TTC38: variants seen among roughly 807,000 people sequenced by gnomAD.
TTC38 encodes tetratricopeptide repeat protein 38.
In TTC38, 64 loss-of-function variants were observed where a neutral mutation model predicts 64.2. The observed-to-expected ratio is 1.00, with a 90% CI of 0.81 to 1.23. TTC38 has a LOEUF of 1.23. TTC38 is among the 50% of genes most tolerant of loss of function. The probability of loss-of-function intolerance (pLI) is 0.00; values close to 1 mark genes in which losing one functional copy is unlikely to be tolerated. For missense variants in TTC38, 573 were observed against 615.5 expected, an observed-to-expected ratio of 0.93 and a Z score of 0.73; for synonymous variants, 254 against 249.3, an observed-to-expected ratio of 1.02 and a Z score of -0.18.
At chr22:46,268,403 A>C in intron 1 of TTC38, 111 bp from the exon 2 acceptor site, 1 of 1,206,526 alleles carries the variant, frequency 8.3e-7, no homozygotes, top group South Asian at 1.3e-5. Flanking sequence ...GCCTGAGCCC[A>C]TTTTACAGAT....
chr22:46,288,838 GTGGGTATGAGATCCGCAGGGTCACAGGGC>G lies in TTC38; in HGVS notation c.1082+253_1082+281del, dbSNP rs1383663561. ...ACACAGAGCTGCCTCCATCCCCAGG[GTGGGTATGAGATCCGCAGGGTCACAGGGC>G]TGCCTCCCGTGGAGAGGACACAGTG... On this transcript the variant is annotated intron_variant, in intron 11 of 13. Coordinates refer to ENST00000381031, the MANE Select transcript of TTC38 (RefSeq NM_017931.4). Among the ~76,000 whole-genome samples the G allele has an allele frequency of 3.3e-5, 5 of 152,350 alleles. No individual in the cohort carries two copies. The East Asian group carries it at 9.6e-4, about 29-fold the overall frequency.
intron 2 of TTC38, among the ~76,000 whole-genome samples, chr22:46,269,777 G>A (rs756285956): frequency 2.6e-5 from 4 of 152,062 alleles, no homozygotes; most frequent in Admixed American, 6.6e-5. Context: ...GTATCTCGCC[G>A]GCCTCTGTAG....
Position 46,293,225 on chromosome 22 carries a change from T to C in TTC38, c.*341T>C, listed in dbSNP as rs2077628978. 3.7e-6 allele frequency: 1 copy of C among 271,012 alleles called. No homozygotes were observed. Among genetic ancestry groups the C allele is most frequent in the Non-Finnish European group, 7.3e-6 (1 of 136,848 alleles). 16.8% of individuals were successfully genotyped at this position (271,012 alleles called of 1,614,324 possible). On this transcript the variant is annotated 3_prime_UTR_variant, in exon 14 of 14. Transcript: ENST00000381031. This position sits in a 1 kb window ranked among gnomAD's most constrained non-coding sequence, Gnocchi z 6.6. ...AGGCAGGGCAGAGGTGGGGGCTGAT[T>C]CTGCTGGGACAGGTCTTCCAGAGGC...
At position 46,292,794 on chromosome 22, in the gene TTC38, C is replaced by CCTT; in HGVS notation, c.1323_1325dup (p.Leu442dup). On this transcript the variant is annotated inframe_insertion, in exon 14 of 14. Coordinates refer to ENST00000381031, the MANE Select transcript of TTC38 (RefSeq NM_017931.4). The surrounding 1 kb of genome is among the most constrained non-coding windows in gnomAD (Gnocchi z 6.5). ...ACCTCTGTGTCTGTTTCCACAGGAG[C>CCTT]CTTCTGATGGAGCGTGATGCCTTGA... 1 of 1,613,642 alleles carries CCTT rather than the reference C, an allele frequency of 6.2e-7. No homozygotes were observed. The highest frequency in any genetic ancestry group is 8.5e-7 in the Non-Finnish European group (1 of 1,179,594).
rs1017624327 is a variant in TTC38 at position 46,270,761 on chromosome 22, G to A, written c.112-1574G>A. ...GAGGCAGAGGAATTCTTGAACCAGG[G>A]AGGTGGAGGTTGTAGTGAGCTGAGA... On this transcript the variant is annotated intron_variant, in intron 2 of 13. Transcript: ENST00000381031. This position sits in a 1 kb window ranked among gnomAD's most constrained non-coding sequence, Gnocchi z 4.7. Among the ~76,000 whole-genome samples the A allele has an allele frequency of 6.6e-6, 1 of 152,162 alleles. No homozygotes were observed. The highest frequency in any genetic ancestry group is 2.4e-5 in the African/African-American group (1 of 41,436).
chr22:46,282,501 G>A lies in TTC38; in HGVS notation c.735+783G>A, dbSNP rs368147695. 7.9e-5 allele frequency among the ~76,000 whole-genome samples: 12 copies of A among 152,326 alleles called. No individual in the cohort carries two copies. Among genetic ancestry groups the A allele is most frequent in the African/African-American group, 1.9e-4 (8 of 41,576 alleles). On this transcript the variant is annotated intron_variant, in intron 7 of 13. Coordinates refer to ENST00000381031, the MANE Select transcript of TTC38 (RefSeq NM_017931.4). The surrounding 1 kb of genome is among the most constrained non-coding windows in gnomAD (Gnocchi z 4.4). ...TCCCCTGGGACAGGGACACAGCGTC[G>A]CTCACTCAGCGTTTACTGAATACCT...
Position 46,289,498 on chromosome 22 carries a change from C to T in TTC38, c.1179C>T (p.Arg393=), listed in dbSNP as rs766363695. 18 of 1,608,162 alleles carry T rather than the reference C, an allele frequency of 1.1e-5. 1 individual carries two copies. The highest frequency in any genetic ancestry group is 8.8e-5 in the South Asian group (8 of 90,922). Residue 393 remains arginine (R), a synonymous_variant, in exon 12 of 14, where the codon CGC becomes CGT. Transcript: ENST00000381031. The part of the protein sequence containing the change: ...LVEAEDGNPD[R]VLELLLPIRY... ...AGGCTGAGGACGGGAACCCTGACCGCGTCCTGGAGCTGCTCCTGCCCATCC... is the reference window on the plus strand; with the variant it reads ...AGGCTGAGGACGGGAACCCTGACCGTGTCCTGGAGCTGCTCCTGCCCATCC...
rs1373861587 is a variant in TTC38 at position 46,271,519 on chromosome 22, T to C, written c.112-816T>C. On this transcript the variant is annotated intron_variant, in intron 2 of 13. Transcript: ENST00000381031. The surrounding 1 kb of genome is among the most constrained non-coding windows in gnomAD (Gnocchi z 5.5). ...TGAGCCACCACACCTGGCCTTTTTTTTTCCTTTTCTCTGTCACCCAGGCTG... is the reference window on the plus strand; with the variant it reads ...TGAGCCACCACACCTGGCCTTTTTTCTTCCTTTTCTCTGTCACCCAGGCTG... Among the ~76,000 whole-genome samples the C allele has an allele frequency of 6.6e-6, 1 of 151,580 alleles. No individual in the cohort carries two copies. The highest frequency in any genetic ancestry group is 1.5e-5 in the Non-Finnish European group (1 of 67,894).
In TTC38 at chr22:46,272,966, G is replaced by A. The variant is rs1033050448; in HGVS notation, c.193+550G>A. 4.6e-5 allele frequency among the ~76,000 whole-genome samples: 7 copies of A among 152,204 alleles called. No individual in the cohort carries two copies. Among genetic ancestry groups the A allele is most frequent in the East Asian group, 1.9e-4 (1 of 5,204 alleles). ...TTGCAGGTGGGTGGTCCCGTGGTGC[G>A]GCAAGGTTCCGGGCCTGGGAGAAGG... is the stretch of plus-strand genomic sequence containing the variant. On this transcript the variant is annotated intron_variant, in intron 3 of 13. Coordinates refer to ENST00000381031, the MANE Select transcript of TTC38 (RefSeq NM_017931.4). The surrounding 1 kb of genome is among the most constrained non-coding windows in gnomAD (Gnocchi z 6.4).
Position 46,291,128 on chromosome 22 carries a change from C to A in TTC38, c.1316+1229C>A, listed in dbSNP as rs1372098847. On this transcript the variant is annotated intron_variant, in intron 13 of 13. Transcript: ENST00000381031. This position sits in a 1 kb window ranked among gnomAD's most constrained non-coding sequence, Gnocchi z 4.6. ...ACAGGTCTGGCTGGCAGCACTGGAA[C>A]CGCCTAGAACTGTAAAATGTCTTGG... Among the ~76,000 whole-genome samples, 2 of 152,244 alleles carry A rather than the reference C, an allele frequency of 1.3e-5. No individual in the cohort carries two copies. Among genetic ancestry groups the A allele is most frequent in the Non-Finnish European group, 2.9e-5 (2 of 68,044 alleles).
intron 7 of TTC38, among the ~76,000 whole-genome samples, chr22:46,283,152 G>A (rs757659606): frequency 6.6e-6 from 1 of 151,934 alleles, no homozygotes; most frequent in Non-Finnish European, 1.5e-5. Context: ...TTGCCCAGGT[G>A]GGTCTTGGAC....
Position 46,274,164 on chromosome 22 carries a change from G to C in TTC38, c.365+95G>C. On this transcript the variant is annotated intron_variant, in intron 4 of 13. Coordinates refer to ENST00000381031, the MANE Select transcript of TTC38 (RefSeq NM_017931.4). The surrounding 1 kb of genome is among the most constrained non-coding windows in gnomAD (Gnocchi z 4.8). ...TCCTGATGCCCTTGGGACGGGGGCGGGGTGGGAGAATGCTTCTCTCCCTGC... is the reference window on the plus strand; with the variant it reads ...TCCTGATGCCCTTGGGACGGGGGCGCGGTGGGAGAATGCTTCTCTCCCTGC... The C allele has an allele frequency of 1.1e-6, 1 of 927,226 alleles. No homozygotes were observed. Among genetic ancestry groups the C allele is most frequent in the Non-Finnish European group, 1.6e-6 (1 of 619,870 alleles). 57.4% of individuals were successfully genotyped at this position (927,226 alleles called of 1,614,324 possible).
Position 46,268,519 on chromosome 22 carries a change from G to A in TTC38, c.39G>A (p.Trp13Ter). 1 of 1,614,102 alleles carries A rather than the reference G, an allele frequency of 6.2e-7. No homozygotes were observed. Among genetic ancestry groups the A allele is most frequent in the Non-Finnish European group, 8.5e-7 (1 of 1,180,038 alleles). Residue 13 changes from tryptophan to a stop codon, truncating the protein, a stop_gained, in exon 2 of 14, where the codon TGG becomes TGA. Transcript: ENST00000381031. LOFTEE classifies it high-confidence loss of function. ...TCCCTTCTTGCCGTCTGTAGGCCTG[G>A]AAGGATGCGAGGCTCCCGCTCTCCA... ...AASPLRDCQA[W>*]KDARLPLSTT... is the part of the protein sequence containing the mutation.
chr22:46,276,824 A>AATATATATATATATATAT lies in TTC38; in HGVS notation c.539+1420_539+1421insTATATATATATATATATA, dbSNP rs57859102. Among the ~76,000 whole-genome samples, 18 of 139,544 alleles carry AATATATATATATATATAT rather than the reference A, an allele frequency of 1.3e-4. No individual in the cohort carries two copies. Among genetic ancestry groups the AATATATATATATATATAT allele is most frequent in the African/African-American group, 5.0e-4 (18 of 36,178 alleles). The allele number at this position is 139,544 out of a possible 152,430, so 91.5% of individuals were successfully genotyped here. ...ATTATATATTAAAATATATATATTA[A>AATATATATATATATATAT]ATATATATATATATATAAACATATA... On this transcript the variant is annotated intron_variant, in intron 5 of 13. Coordinates refer to ENST00000381031, the MANE Select transcript of TTC38 (RefSeq NM_017931.4). This position sits in a 1 kb window ranked among gnomAD's most constrained non-coding sequence, Gnocchi z 4.7.
Position 46,273,913 on chromosome 22 carries a change from T to G in TTC38, c.209T>G (p.Met70Arg). The change falls in exon 4 of 14, where the codon ATG becomes AGG. Residue 70 changes from methionine to arginine, a missense_variant. Met to Arg is a moderately conservative substitution (Grantham distance 91). Transcript: ENST00000381031. The surrounding 1 kb of genome is among the most constrained non-coding windows in gnomAD (Gnocchi z 5.1). ...ADPTFVMGHA[M>R]ATGLVLIGTG... is the part of the protein sequence containing the mutation. ...CTCCCACCAGTGATGGGCCACGCCA[T>G]GGCTACTGGCCTTGTGCTGATTGGC... 1 of 1,614,216 alleles carries G rather than the reference T, an allele frequency of 6.2e-7. No individual in the cohort carries two copies. Among genetic ancestry groups the G allele is most frequent in the Non-Finnish European group, 8.5e-7 (1 of 1,180,038 alleles).
rs1309415871 is a variant in TTC38, at chr22:46,276,318, C to T, written c.539+897C>T. On this transcript the variant is annotated intron_variant, in intron 5 of 13. Transcript: ENST00000381031. This position sits in a 1 kb window ranked among gnomAD's most constrained non-coding sequence, Gnocchi z 4.7. Reference sequence around the variant, plus strand: ...TTCTTCTAGGGGCCTCCGTCTTTCTCTTAAGGCCTTTAACTGATTGGATGA... The same window carrying T: ...TTCTTCTAGGGGCCTCCGTCTTTCTTTTAAGGCCTTTAACTGATTGGATGA... Among the ~76,000 whole-genome samples the T allele has an allele frequency of 6.6e-6, 1 of 152,134 alleles. No individual in the cohort carries two copies. The highest frequency in any genetic ancestry group is 2.4e-5 in the African/African-American group (1 of 41,430).
At position 46,284,794 on chromosome 22, in the gene TTC38, G is replaced by C. The variant is rs561636049; in HGVS notation, c.796-447G>C. Among the ~76,000 whole-genome samples the C allele has an allele frequency of 2.7e-3, 396 of 149,140 alleles. 2 individuals are homozygous for C. The highest frequency in any genetic ancestry group is 9.3e-3 in the African/African-American group (378 of 40,590). On this transcript the variant is annotated intron_variant, in intron 8 of 13. Coordinates refer to ENST00000381031, the MANE Select transcript of TTC38 (RefSeq NM_017931.4). Reference sequence around the variant, plus strand: ...TGAGGCATGAGAATCGCTTGAACCTGGGACGCGGAGGTTACAGTGAGCCGA... The same window carrying C: ...TGAGGCATGAGAATCGCTTGAACCTCGGACGCGGAGGTTACAGTGAGCCGA...
chr22:46,268,110 C>T, intron 1 of TTC38, 38 bp downstream of exon 1: 1 of 1,527,752 alleles, frequency 6.5e-7, no homozygotes, highest in Non-Finnish European at 8.8e-7. Flanking sequence ...CCCCCTCGGG[C>T]CCCGGGTCCT....
Position 46,271,402 on chromosome 22 carries a change from C to CGG in TTC38, c.112-929_112-928dup, listed in dbSNP as rs1362577087. 2.6e-5 allele frequency among the ~76,000 whole-genome samples: 4 copies of CGG among 151,830 alleles called. No homozygotes were observed. Among genetic ancestry groups the CGG allele is most frequent in the Non-Finnish European group, 5.9e-5 (4 of 67,950 alleles). ...TGATTTTTTGTATCTTTAGTAGAGACGGGGGTTTCACCGTGTTAGCCAGGA... is the reference window on the plus strand; with the variant it reads ...TGATTTTTTGTATCTTTAGTAGAGACGGGGGGGTTTCACCGTGTTAGCCAGGA... On this transcript the variant is annotated intron_variant, in intron 2 of 13. Transcript: ENST00000381031. This position sits in a 1 kb window ranked among gnomAD's most constrained non-coding sequence, Gnocchi z 5.5.
Sources: gnomAD v4.1 joint callset for allele counts (sites outside exome capture counted in the v4.1 genomes callset) on GRCh38, gnomAD v4.1.1 for gene constraint, Gnocchi (gnomAD v3.1) non-coding constraint, MANE v1.5 for transcripts, NCBI Gene and HGNC (gene_info 2026-07-23, HGNC 2026-07-21) for gene names.